CEP192: variants seen among roughly 807,000 people sequenced by gnomAD.
The protein encoded by CEP192 is centrosomal protein of 192 kDa.
CEP192 carries 151 observed loss-of-function variants against 271.8 expected under a neutral mutation model. The observed-to-expected ratio is 0.56, with a 90% confidence interval of 0.49 to 0.64. The LOEUF (loss-of-function observed/expected upper bound fraction) is 0.64, where lower values mean the gene tolerates loss of function less well. CEP192 is among the 30% of genes least tolerant of loss of function. The pLI is 0.00. For synonymous variants in CEP192, 995 were observed against 1,076.5 expected (o/e 0.92, Z 1.48); for missense variants, 2,910 against 3,020.5 (o/e 0.96, Z 0.86).
At chr18:13,022,221 T>A (rs2035034758) in intron 9 of CEP192, among the ~76,000 whole-genome samples, 1 of 152,106 alleles carries the variant, frequency 6.6e-6, no homozygotes, top group Non-Finnish European at 1.5e-5. Context: ...ATTCTGCTGA[T>A]CTGTTTGTTC....
intron 32 of CEP192, chr18:13,089,030 C>T (rs11080624): frequency 0.14 from 39,843 of 279,360 alleles, 3,304 homozygotes; most frequent in East Asian, 0.31. Flanking sequence ...ATAGAGAAAT[C>T]TACATTTCAG....
chr18:13,051,040 G>A (rs1598452804), intron 17 of CEP192, among the ~76,000 whole-genome samples: 1 of 152,276 alleles, frequency 6.6e-6, no homozygotes, highest in African/African-American at 2.4e-5. Context: ...GAAGACTAGA[G>A]GGATATCTGA....
In CEP192 at chr18:13,102,861, A is replaced by G. The variant is rs79176834; in HGVS notation, c.6872-648A>G. Among the ~76,000 whole-genome samples the G allele has an allele frequency of 2.5e-3, 385 of 152,214 alleles. 9 individuals carry two copies. The East Asian group carries it at 0.05, about 20-fold the overall frequency. On this transcript the variant is annotated intron_variant, in intron 38 of 44. Coordinates refer to ENST00000506447, the MANE Select transcript of CEP192 (RefSeq NM_032142.4). ...CATGACTTCCCGTGTGCTCGGGCCC[A>G]GGCATCACACCCTGGCGCCTGCTTG...
chr18:13,109,904 G>T (rs902562467), intron 40 of CEP192, among the ~76,000 whole-genome samples: 1 of 152,102 alleles, frequency 6.6e-6, no homozygotes, highest in African/African-American at 2.4e-5. Context: ...AACTTTAAAA[G>T]AATTAAAGGT....
At chr18:13,040,130 G>A (rs1366920774) in intron 13 of CEP192, among the ~76,000 whole-genome samples, 5 of 152,144 alleles carry the variant, frequency 3.3e-5, no homozygotes, top group Non-Finnish European at 7.4e-5. Flanking sequence ...GGAAAGATAA[G>A]GTGGGCAAAG....
In CEP192 at chr18:13,096,283, C is replaced by T. The variant is rs752068576; in HGVS notation, c.6533C>T (p.Pro2178Leu). 28 of 1,613,808 alleles carry T rather than the reference C, an allele frequency of 1.7e-5. No individual in the cohort carries two copies. The highest frequency in any genetic ancestry group is 2.2e-5 in the South Asian group (2 of 91,064). The change falls in exon 36 of 45, where the codon CCG (proline) becomes CTG (leucine). Residue 2178 changes from proline to leucine, a missense_variant. Transcript: ENST00000506447. ...CWPAHCLTVT[P>L]QHGCVAPESK... The stretch of plus-strand genomic sequence containing the variant: ...CCAGCGCATTGCCTCACAGTCACGC[C>T]GCAGCATGGATGTGTCGCGCCAGAG...
At chr18:13,090,276 T>C (rs2039080120) in intron 33 of CEP192, among the ~76,000 whole-genome samples, 1 of 152,220 alleles carries the variant, frequency 6.6e-6, no homozygotes, top group Admixed American at 6.5e-5. Context: ...TTTGAAGCCA[T>C]TAGAACAATA....
At chr18:13,029,519 T>C in intron 9 of CEP192, 144 bp from the exon 10 acceptor site, 1 of 597,574 alleles carries the variant, frequency 1.7e-6, no homozygotes, top group Non-Finnish European at 2.9e-6. Context: ...TAGTCTAGAA[T>C]ACAGCGAATA....
intron 17 of CEP192, among the ~76,000 whole-genome samples, chr18:13,051,124 A>G (rs993058405): frequency 6.6e-6 from 1 of 152,220 alleles, no homozygotes; most frequent in African/African-American, 2.4e-5. Context: ...CTAGTCTAAT[A>G]ATTGCATTAG....
At chr18:13,095,360 A>G (rs2039342027) in intron 34 of CEP192, 143 bp from the exon 35 acceptor site, 1 of 669,300 alleles carries the variant, frequency 1.5e-6, no homozygotes, top group East Asian at 2.7e-5. Context: ...AAAATACCTG[A>G]TAACTCACTT....
intron 11 of CEP192, 41 bp downstream of exon 11, chr18:13,030,649 T>C (rs1253127335): frequency 6.8e-7 from 1 of 1,468,098 alleles, no homozygotes; most frequent in African/African-American, 1.4e-5. Flanking sequence ...ATTTTCACTG[T>C]TTCTGATCTT....
chr18:13,018,380 C>T, intron 7 of CEP192, 100 bp from the exon 8 acceptor site: 1 of 682,944 alleles, frequency 1.5e-6, no homozygotes, highest in East Asian at 3.0e-5. Context: ...ATTCCTTCTA[C>T]ACTTATTTTC....
chr18:13,057,886 T>C, intron 20 of CEP192, 153 bp downstream of exon 20: 1 of 566,364 alleles, frequency 1.8e-6, no homozygotes, highest in Non-Finnish European at 3.0e-6. Context: ...CCTTTTGTTG[T>C]AGTGCTTGTA....
intron 17 of CEP192, among the ~76,000 whole-genome samples, chr18:13,051,352 T>C (rs1392365681): frequency 6.6e-6 from 1 of 151,508 alleles, no homozygotes; most frequent in Non-Finnish European, 1.5e-5. Context: ...TGTATCATAC[T>C]GTGTGTATGT....
chr18:13,017,112 C>A, intron 6 of CEP192, 76 bp from the exon 7 acceptor site: 1 of 1,170,706 alleles, frequency 8.5e-7, no homozygotes, highest in Non-Finnish European at 1.2e-6. Flanking sequence ...TATGTCTTAT[C>A]GGCCTTTTTA....
chr18:13,052,930 A>T lies in CEP192; in HGVS notation c.3029A>T (p.Glu1010Val), dbSNP rs755675771. Reference sequence around the variant, plus strand: ...CTCTTCTCTTTCAGGTGTGCGTTAGAGTCCTTTGGTTCAGCAGCTCAGCAG... The same window carrying T: ...CTCTTCTCTTTCAGGTGTGCGTTAGTGTCCTTTGGTTCAGCAGCTCAGCAG... ...SGTSSSGCALESFGSAAQQQQ... is the reference protein window; with the variant it reads ...SGTSSSGCALVSFGSAAQQQQ... Residue 1010 changes from glutamate to valine, a missense_variant, in exon 18 of 45, where the codon GAG becomes GTG. Physicochemically the swap from Glu to Val is moderately radical, Grantham distance 121 (BLOSUM62 -2). Transcript: ENST00000506447. 6 of 1,605,716 alleles carry T rather than the reference A, an allele frequency of 3.7e-6. No homozygotes were observed. The South Asian group carries it at 6.7e-5, about 18-fold the overall frequency.
intron 32 of CEP192, chr18:13,088,937 A>G (rs1433705236): frequency 9.0e-6 from 4 of 443,618 alleles, no homozygotes; most frequent in Non-Finnish European, 1.8e-5. Flanking sequence ...CTCAATTGGG[A>G]TATAGAAATC....
At chr18:13,004,192 A>G (rs1473734924) in intron 3 of CEP192, among the ~76,000 whole-genome samples, 1 of 152,106 alleles carries the variant, frequency 6.6e-6, no homozygotes, top group Non-Finnish European at 1.5e-5. Context: ...AGAGAACAGG[A>G]GTTACTGTTT....
intron 40 of CEP192, 23 bp downstream of exon 40, chr18:13,105,102 A>T: frequency 1.3e-6 from 2 of 1,522,058 alleles, no homozygotes; most frequent in Non-Finnish European, 1.8e-6. Flanking sequence ...ATTTTTTTCC[A>T]TAGGAACATC....
Sources: allele counts gnomAD v4.1 joint callset (sites outside exome capture counted in the v4.1 genomes callset), GRCh38; gene constraint gnomAD v4.1.1; transcripts MANE v1.5; gene names NCBI Gene and HGNC (gene_info 2026-07-23, HGNC 2026-07-21).